Variants in DLG1 observed in about 807,000 individuals in gnomAD.
The protein encoded by DLG1 is disks large homolog 1.
Under a neutral mutation model 123.4 loss-of-function variants are expected in DLG1, and 42 were observed. The observed-to-expected ratio is 0.34, with a 90% CI of 0.27 to 0.44. DLG1 has a LOEUF of 0.44. Ranked by LOEUF, DLG1 falls within the 20% of genes least tolerant of loss-of-function variation. The pLI is 1.00. For synonymous variants in DLG1, 317 were observed against 356.2 expected, an observed-to-expected ratio of 0.89 and a Z score of 1.24; for missense variants, 942 against 1,082.6, an observed-to-expected ratio of 0.87 and a Z score of 1.82.
In DLG1 at chr3:197,115,995, A is replaced by G. The variant is rs760602538; in HGVS notation, c.1375T>C (p.Ser459Pro). The change falls in exon 13 of 25, where the codon TCC (serine) becomes CCC (proline). Residue 459 changes from serine to proline, a missense_variant. Physicochemically the swap from Ser to Pro is moderately conservative, Grantham distance 74 (BLOSUM62 -1). Coordinates refer to ENST00000667157, the MANE Select transcript of DLG1 (RefSeq NM_001366207.1). ...GGEDGEGIFI[S>P]FILAGGPADL... ...GCAGGTCCTCCGGCTAAGATAAAGG[A>G]AATAAATATTCCTTCTCCATCTTCT... is the stretch of plus-strand genomic sequence containing the variant. 3.7e-6 allele frequency: 6 copies of G among 1,613,472 alleles called. No individual in the cohort carries two copies. The highest frequency in any genetic ancestry group is 4.2e-6 in the Non-Finnish European group (5 of 1,179,776).
chr3:197,051,754 T>A, intron 23 of DLG1, 86 bp from the exon 24 acceptor site: 5 of 966,802 alleles, frequency 5.2e-6, no homozygotes, highest in Admixed American at 2.4e-5. Context: ...ACACATAAAA[T>A]AGAAAATCAT....
intron 5 of DLG1, 110 bp from the exon 6 acceptor site, chr3:197,149,906 A>C: frequency 1.5e-6 from 1 of 687,352 alleles, no homozygotes; most frequent in Non-Finnish European, 2.6e-6. Flanking sequence ...TTATAATCTT[A>C]TATGAGCTTT....
intron 13 of DLG1, among the ~76,000 whole-genome samples, chr3:197,107,664 TTTTC>T (rs1007278499): frequency 9.9e-5 from 15 of 152,262 alleles, no homozygotes; most frequent in South Asian, 2.1e-4. Flanking sequence ...TAAATCAATG[TTTTC>T]TTTGTCTATC....
chr3:197,210,029 G>T (rs114803723), intron 4 of DLG1, among the ~76,000 whole-genome samples: 2,872 of 146,310 alleles, frequency 0.02, 177 homozygotes, highest in African/African-American at 0.065. Flanking sequence ...TCCCATGGCT[G>T]ATTTTAATCT....
chr3:197,231,786 GAAAATT>G (rs1401467741), intron 4 of DLG1, among the ~76,000 whole-genome samples: 2 of 151,668 alleles, frequency 1.3e-5, no homozygotes, highest in African/African-American at 4.8e-5. Flanking sequence ...AATGTTGAAT[GAAAATT>G]AAAATTAATG....
chr3:197,271,005 G>C (rs1269431529), intron 4 of DLG1, among the ~76,000 whole-genome samples: 1 of 152,108 alleles, frequency 6.6e-6, no homozygotes, highest in Non-Finnish European at 1.5e-5. Flanking sequence ...GTCATTTAAA[G>C]GGGGGGAAAA....
In DLG1 at chr3:197,045,577, TA is replaced by T. The variant is rs35371226; in HGVS notation, c.2576-849del. Among the ~76,000 whole-genome samples, 1,371 of 142,646 alleles carry T rather than the reference TA, an allele frequency of 9.6e-3. 15 individuals carry two copies. Among genetic ancestry groups the T allele is most frequent in the African/African-American group, 0.027 (1,044 of 38,492 alleles). The allele number at this position is 142,646 out of a possible 152,430, so 93.6% of individuals were successfully genotyped here. On this transcript the variant is annotated intron_variant, in intron 24 of 24. Coordinates refer to ENST00000667157, the MANE Select transcript of DLG1 (RefSeq NM_001366207.1). ...GGAACATAGTGAGACCCTGTGTATTTAAAAAAAAAAAAAAATAGCTGGGCAT... is the reference window on the plus strand; with the variant it reads ...GGAACATAGTGAGACCCTGTGTATTTAAAAAAAAAAAAAATAGCTGGGCAT...
At chr3:197,112,412 C>G (rs137913772) in intron 13 of DLG1, among the ~76,000 whole-genome samples, 2 of 152,224 alleles carry the variant, frequency 1.3e-5, no homozygotes, top group East Asian at 3.9e-4. Flanking sequence ...TGCTTACTGG[C>G]CATTCACATA....
chr3:197,052,798 G>A (rs1043617585), intron 23 of DLG1, among the ~76,000 whole-genome samples: 27 of 152,128 alleles, frequency 1.8e-4, no homozygotes, highest in Non-Finnish European at 2.6e-4. Flanking sequence ...GAGGTGTGGC[G>A]GGGTGGGGGC....
At chr3:197,295,551 T>C (rs530858558) in intron 3 of DLG1, among the ~76,000 whole-genome samples, 16 of 152,278 alleles carry the variant, frequency 1.1e-4, no homozygotes, top group Admixed American at 3.3e-4. Context: ...TGCAAACTTT[T>C]TGAGGTACCT....
At chr3:197,066,611 T>C in intron 20 of DLG1, 93 bp downstream of exon 20, 2 of 924,864 alleles carry the variant, frequency 2.2e-6, no homozygotes, top group Non-Finnish European at 3.3e-6. Context: ...AAAATTTTAA[T>C]ACAACATTTT....
At chr3:197,226,411 G>T (rs1397445624) in intron 4 of DLG1, 1 of 152,158 alleles carries the variant, frequency 6.6e-6, no homozygotes, top group Non-Finnish European at 1.5e-5. Flanking sequence ...TTTGGGGGAG[G>T]GGCAAAGATG....
intron 10 of DLG1, among the ~76,000 whole-genome samples, chr3:197,134,533 A>G (rs943597868): frequency 6.6e-6 from 1 of 151,102 alleles, no homozygotes; most frequent in Non-Finnish European, 1.5e-5. Context: ...ACTTGCTAGT[A>G]TATTTTTAAA....
chr3:197,052,314 G>C (rs952540160), intron 23 of DLG1, among the ~76,000 whole-genome samples: 34 of 152,150 alleles, frequency 2.2e-4, no homozygotes, highest in Non-Finnish European at 2.9e-5. Flanking sequence ...AATTAGCTGG[G>C]TGTGGTGGCG....
chr3:197,051,224 T>C (rs931193937), intron 24 of DLG1, among the ~76,000 whole-genome samples: 8 of 151,902 alleles, frequency 5.3e-5, no homozygotes, highest in Non-Finnish European at 1.2e-4. Flanking sequence ...AAATACAAAA[T>C]TAGCTGGGCG....
At chr3:197,163,687 A>ATTTTTTTTTTTTTTTTTTTT (rs56865627) in intron 5 of DLG1, among the ~76,000 whole-genome samples, 1 of 102,034 alleles carries the variant, frequency 9.8e-6, no homozygotes. Context: ...ATGCTCAGCT[A>ATTTTTTTTTTTTTTTTTTTT]TTTTTTTTTT....
At chr3:197,257,722 C>T (rs1757472800) in intron 4 of DLG1, among the ~76,000 whole-genome samples, 1 of 152,132 alleles carries the variant, frequency 6.6e-6, no homozygotes, top group African/African-American at 2.4e-5. Context: ...TGGGAAACCT[C>T]CATGCTAAAG....
intron 23 of DLG1, among the ~76,000 whole-genome samples, chr3:197,054,672 T>G (rs1431104231): frequency 6.6e-6 from 1 of 152,170 alleles, no homozygotes; most frequent in Non-Finnish European, 1.5e-5. Context: ...GGAGACAAGG[T>G]CTCCCTCTGT....
intron 5 of DLG1, among the ~76,000 whole-genome samples, chr3:197,188,479 CAACT>C (rs1376971114): frequency 3.9e-5 from 6 of 152,216 alleles, no homozygotes; most frequent in South Asian, 4.1e-4. Context: ...TTGCTTGACA[CAACT>C]AATATCCTAG....
Sources: allele counts gnomAD v4.1 joint callset (sites outside exome capture counted in the v4.1 genomes callset), GRCh38; gene constraint gnomAD v4.1.1; transcripts MANE v1.5; gene names NCBI Gene and HGNC (gene_info 2026-07-23, HGNC 2026-07-21).